Variants in ZNF117 observed in about 807,000 individuals in gnomAD.
ZNF117 encodes the protein zinc finger protein 117.
A neutral mutation model predicts 41.2 loss-of-function variants in ZNF117; 37 were observed. That is an observed-to-expected ratio of 0.90 (90% CI 0.69 to 1.18). ZNF117 has a LOEUF of 1.18. ZNF117 is among the 50% of genes most tolerant of loss of function. The pLI is 0.00. For missense variants in ZNF117, 546 were observed against 557.5 expected (o/e 0.98, Z 0.21); for synonymous variants, 186 against 186.6 (o/e 1.00, Z 0.02).
Position 64,978,473 on chromosome 7 carries a change from A to G in ZNF117, c.1098T>C (p.Cys366=), listed in dbSNP as rs755725226. 1.9e-6 allele frequency: 3 copies of G among 1,613,478 alleles called. No individual in the cohort carries two copies. The African/African-American group carries it at 4.0e-5, about 22-fold the overall frequency. Residue 366 remains cysteine, a synonymous_variant, in exon 3 of 3, where the codon TGT becomes TGC. Coordinates refer to ENST00000620222, the Ensembl canonical transcript of ZNF117. ...CTGAGGACTGGTTAAAGGCTTTGCC[A>G]CATTCTCCACATTTGTAGGGTTTCT... is the stretch of plus-strand genomic sequence containing the variant.
At chr7:64,986,918 G>GA (rs1786148623), upstream of ZNF117, among the ~76,000 whole-genome samples, 1 of 152,054 alleles carries the variant, frequency 6.6e-6, no homozygotes. Context: ...AAGATATTAG[G>GA]ACCTAAACTC....
In ZNF117 at chr7:64,987,159, C is replaced by T. The variant is rs541447702; in HGVS notation, c.-196+2788G>A. Among the ~76,000 whole-genome samples the T allele has an allele frequency of 2.6e-5, 4 of 152,172 alleles. No homozygotes were observed. The South Asian group carries it at 6.2e-4, about 24-fold the overall frequency. ...ACAAAGAAAACCACTTGAAACCATA[C>T]AATTATGTGGAAATTAAACAACCTG... is the stretch of plus-strand genomic sequence containing the variant. On this transcript the variant is annotated intron_variant, in intron 1 of 3. Coordinates refer to the ZNF117 transcript ENST00000282869.
chr7:64,986,600 T>C (rs6954887), upstream of ZNF117, among the ~76,000 whole-genome samples: 6,681 of 152,234 alleles, frequency 0.044, 482 homozygotes, highest in African/African-American at 0.15. Flanking sequence ...CACCTTAGGG[T>C]AAAGATCTTG....
chr7:64,979,276 G>A, exon 3 of ZNF117: 6 of 1,593,686 alleles, frequency 3.8e-6, no homozygotes, highest in Non-Finnish European at 5.1e-6. Context: ...CTCATCTTGT[G>A]TCTATTTGAA....
exon 3 of ZNF117, chr7:64,978,189 G>A (rs1562983511): frequency 1.2e-6 from 2 of 1,611,908 alleles, no homozygotes; most frequent in African/African-American, 2.7e-5. Context: ...CTTATGTGTA[G>A]TAAGTGTTGA....
At chr7:64,977,986 G>T (rs1785927336) in exon 3 of ZNF117, 2 of 1,266,078 alleles carry the variant, frequency 1.6e-6, no homozygotes, top group African/African-American at 1.5e-5. Flanking sequence ...TCACATTTGT[G>T]TAACTTCTCT....
intron 2 of ZNF117, chr7:64,981,141 C>A: frequency 2.0e-6 from 1 of 489,098 alleles, no homozygotes; most frequent in Non-Finnish European, 3.6e-6. Context: ...CTTTTATATC[C>A]CATGAAGAGG....
chr7:64,982,904 G>A (rs559413753), upstream of ZNF117, among the ~76,000 whole-genome samples: 167 of 152,290 alleles, frequency 1.1e-3, no homozygotes, highest in African/African-American at 3.9e-3. Flanking sequence ...ACAAATTTTT[G>A]TAATGTGCTG....
exon 3 of ZNF117, chr7:64,978,684 T>C (rs762473955): frequency 3.1e-6 from 5 of 1,612,852 alleles, no homozygotes; most frequent in Non-Finnish European, 3.4e-6. Context: ...ATGAATTCTC[T>C]TATGTGTAGT....
chr7:64,984,957 A>T (rs1786103060), upstream of ZNF117, among the ~76,000 whole-genome samples: 1 of 152,028 alleles, frequency 6.6e-6, no homozygotes, highest in South Asian at 2.1e-4. Flanking sequence ...CGCCCGGCTA[A>T]TTTTTGTATT....
exon 3 of ZNF117, chr7:64,979,391 T>C (rs1426035783): frequency 1.2e-6 from 2 of 1,610,204 alleles, no homozygotes; most frequent in Non-Finnish European, 8.5e-7. Context: ...CTTTGTGCTG[T>C]TTACACTCAA....
chr7:64,982,455 G>A (rs1786050875), upstream of ZNF117, among the ~76,000 whole-genome samples: 1 of 152,158 alleles, frequency 6.6e-6, no homozygotes, highest in Non-Finnish European at 1.5e-5. Flanking sequence ...GTGTATTTTT[G>A]AGATGAAAAA....
downstream of ZNF117, chr7:64,973,204 TATC>T (rs1785808694): frequency 6.6e-6 from 1 of 151,998 alleles, no homozygotes; most frequent in Non-Finnish European, 1.5e-5. Context: ...TCATTCCAAA[TATC>T]AAATCCACAG....
At chr7:64,983,996 G>A (rs1425015122), upstream of ZNF117, among the ~76,000 whole-genome samples, 1 of 152,230 alleles carries the variant, frequency 6.6e-6, no homozygotes, top group Admixed American at 6.5e-5. Context: ...CTCAGCATGA[G>A]AAACGTGAGC....
At chr7:64,981,782 A>C (rs551850969) in intron 1 of ZNF117, among the ~76,000 whole-genome samples, 3 of 152,172 alleles carry the variant, frequency 2.0e-5, no homozygotes, top group Non-Finnish European at 2.9e-5. Context: ...TGAATGATAA[A>C]GATCATCTCA....
upstream of ZNF117, among the ~76,000 whole-genome samples, chr7:64,984,366 A>C (rs1056344166): frequency 6.6e-6 from 1 of 152,158 alleles, no homozygotes; most frequent in Non-Finnish European, 1.5e-5. Flanking sequence ...TCCTGACCTC[A>C]AGTGACCCGC....
chr7:64,983,799 G>A (rs1012965105), upstream of ZNF117, among the ~76,000 whole-genome samples: 2 of 152,110 alleles, frequency 1.3e-5, no homozygotes, highest in Non-Finnish European at 2.9e-5. Context: ...GGATAGTAAT[G>A]GGGCCTCTAA....
downstream of ZNF117, chr7:64,972,777 C>G (rs2129117238): frequency 1.3e-5 from 2 of 152,106 alleles, no homozygotes; most frequent in Non-Finnish European, 2.9e-5. Flanking sequence ...TTTTGAAAAA[C>G]ATTGACAATG....
At chr7:64,986,439 C>G (rs6460217), upstream of ZNF117, among the ~76,000 whole-genome samples, 136,269 of 151,770 alleles carry the variant, frequency 0.9, 61,689 homozygotes, top group South Asian at 0.97. Flanking sequence ...AGACAAATGG[C>G]ACAGACAAAA....
Sources: allele counts gnomAD v4.1 joint callset (sites outside exome capture counted in the v4.1 genomes callset), GRCh38; gene constraint gnomAD v4.1.1; transcripts MANE v1.5; gene names NCBI Gene and HGNC (gene_info 2026-07-23, HGNC 2026-07-21).